SDK1: variants seen among roughly 807,000 people sequenced by gnomAD.
The protein encoded by SDK1 is sidekick cell adhesion molecule 1.
Under a neutral mutation model 245.5 loss-of-function variants are expected in SDK1, and 157 were observed. The ratio of observed to expected loss-of-function variants is 0.64; its 90% CI spans 0.56 to 0.73. The LOEUF (loss-of-function observed/expected upper bound fraction) is 0.73. Ranked by LOEUF, SDK1 falls within the 30% of genes least tolerant of loss-of-function variation. SDK1 has a pLI of 0.00. For missense variants in SDK1, 3,583 were observed against 3,002.3 expected (o/e 1.19, Z -4.52); for synonymous variants, 1,647 against 1,278.5 (o/e 1.29, Z -6.15).
intron 1 of SDK1, among the ~76,000 whole-genome samples, chr7:3,390,772 G>C (rs562093880): frequency 6.6e-6 from 1 of 152,166 alleles, no homozygotes. Context: ...GAGCCCTCAG[G>C]AAGGAACCAA....
At chr7:3,651,137 T>TG (rs1007293902) in intron 4 of SDK1, among the ~76,000 whole-genome samples, 9 of 151,452 alleles carry the variant, frequency 5.9e-5, no homozygotes, top group African/African-American at 2.2e-4. Flanking sequence ...TTAGTTTTTT[T>TG]TTTTTTTTTA....
At chr7:4,088,007 A>G (rs1781536202) in intron 22 of SDK1, among the ~76,000 whole-genome samples, 1 of 152,244 alleles carries the variant, frequency 6.6e-6, no homozygotes, top group African/African-American at 2.4e-5. Context: ...TTTCACAACT[A>G]TGAACACGTT....
At chr7:3,458,629 C>A (rs1780741491) in intron 1 of SDK1, among the ~76,000 whole-genome samples, 2 of 151,820 alleles carry the variant, frequency 1.3e-5, no homozygotes, top group African/African-American at 4.8e-5. Flanking sequence ...TGGATTTTTA[C>A]AATTCCAGAG....
chr7:4,027,968 G>A (rs902383886), intron 17 of SDK1, among the ~76,000 whole-genome samples: 2 of 151,808 alleles, frequency 1.3e-5, no homozygotes, highest in Non-Finnish European at 2.9e-5. Context: ...GAATGGAGGA[G>A]GGGAGGGAGA....
chr7:3,789,178 A>G (rs139649609), intron 4 of SDK1, among the ~76,000 whole-genome samples: 12 of 151,576 alleles, frequency 7.9e-5, no homozygotes, highest in Admixed American at 7.9e-4. Context: ...ACGGAGTTTC[A>G]CTCCTGTTAC....
intron 5 of SDK1, among the ~76,000 whole-genome samples, chr7:3,949,395 C>T (rs1780707196): frequency 6.6e-6 from 1 of 152,212 alleles, no homozygotes; most frequent in East Asian, 1.9e-4. Context: ...TGTGGGAAAT[C>T]AGAGCTGATG....
intron 41 of SDK1, 40 bp from the exon 42 acceptor site, chr7:4,237,607 G>A (rs777727148): frequency 7.5e-5 from 121 of 1,612,794 alleles, no homozygotes; most frequent in Non-Finnish European, 8.9e-5. Context: ...CAGCTGGAGC[G>A]TCTGCCCCAT....
At chr7:3,590,193 T>G (rs898077406) in intron 1 of SDK1, among the ~76,000 whole-genome samples, 2 of 152,192 alleles carry the variant, frequency 1.3e-5, no homozygotes, top group African/African-American at 4.8e-5. Context: ...TTCAGTTTCT[T>G]TATGTTTCTT....
intron 1 of SDK1, among the ~76,000 whole-genome samples, chr7:3,383,147 C>T (rs1781531251): frequency 1.3e-5 from 2 of 152,122 alleles, no homozygotes; most frequent in Admixed American, 6.5e-5. Flanking sequence ...TGCAGTGGCT[C>T]AGGCCTATAA....
intron 14 of SDK1, among the ~76,000 whole-genome samples, chr7:3,990,201 G>A (rs559302214): frequency 1.8e-4 from 27 of 152,366 alleles, no homozygotes; most frequent in African/African-American, 6.0e-4. Context: ...ATGTTATTCC[G>A]GGTCTTAGGC....
At chr7:3,342,868 G>T (rs920974129) in intron 1 of SDK1, among the ~76,000 whole-genome samples, 1 of 151,934 alleles carries the variant, frequency 6.6e-6, no homozygotes, top group African/African-American at 2.4e-5. Flanking sequence ...ATGGACAAAA[G>T]ACATCAACAG....
chr7:3,963,884 C>A (rs909324981), intron 9 of SDK1, among the ~76,000 whole-genome samples: 11 of 151,054 alleles, frequency 7.3e-5, no homozygotes, highest in Non-Finnish European at 1.5e-4. Flanking sequence ...CCGGACATAT[C>A]CAGTGGGTAC....
intron 22 of SDK1, among the ~76,000 whole-genome samples, chr7:4,094,527 G>A (rs762946302): frequency 2.0e-5 from 3 of 152,206 alleles, no homozygotes; most frequent in Non-Finnish European, 4.4e-5. Context: ...AAAGTACAAG[G>A]AGAACCTGCC....
At chr7:4,098,082 A>G (rs1584121250) in intron 22 of SDK1, among the ~76,000 whole-genome samples, 1 of 152,178 alleles carries the variant, frequency 6.6e-6, no homozygotes, top group African/African-American at 2.4e-5. Context: ...ACACCCTCAC[A>G]GTGGCTTTTC....
intron 5 of SDK1, among the ~76,000 whole-genome samples, chr7:3,864,713 C>T (rs913839754): frequency 3.3e-5 from 5 of 152,006 alleles, no homozygotes; most frequent in Admixed American, 6.6e-5. Flanking sequence ...TGCTTAGTAA[C>T]GGGAAAGAGG....
chr7:3,345,140 A>G (rs1780459690), intron 1 of SDK1, among the ~76,000 whole-genome samples: 1 of 152,226 alleles, frequency 6.6e-6, no homozygotes, highest in African/African-American at 2.4e-5. Flanking sequence ...GCATTGAAGT[A>G]CACAGAGGGC....
At chr7:3,665,774 A>G (rs1011278595) in intron 4 of SDK1, among the ~76,000 whole-genome samples, 1 of 152,140 alleles carries the variant, frequency 6.6e-6, no homozygotes, top group Non-Finnish European at 1.5e-5. Context: ...CTTGCCCTCC[A>G]AAGTCTGGAG....
intron 4 of SDK1, among the ~76,000 whole-genome samples, chr7:3,732,218 AT>A (rs1228769208): frequency 1.3e-5 from 2 of 152,110 alleles, no homozygotes; most frequent in Admixed American, 6.5e-5. Context: ...AACTCCGACT[AT>A]TTTTTGTTTT....
chr7:3,632,477 A>G (rs1782325854), intron 2 of SDK1, among the ~76,000 whole-genome samples: 1 of 152,190 alleles, frequency 6.6e-6, no homozygotes, highest in Non-Finnish European at 1.5e-5. Context: ...TCGAAGATTA[A>G]CATCTAATTG....
Sources: gnomAD v4.1 joint callset for allele counts (sites outside exome capture counted in the v4.1 genomes callset) on GRCh38, gnomAD v4.1.1 for gene constraint, MANE v1.5 for transcripts, NCBI Gene and HGNC (gene_info 2026-07-23, HGNC 2026-07-21) for gene names.